The following PCDH9 variants were observed in gnomAD, a reference collection of about 807,000 sequenced individuals.
PCDH9 encodes protocadherin-9.
A neutral mutation model predicts 70.6 loss-of-function variants in PCDH9; 24 were observed. The observed-to-expected ratio is 0.34, with a 90% CI of 0.25 to 0.48. The LOEUF (loss-of-function observed/expected upper bound fraction) is 0.48, where lower values mean the gene tolerates loss of function less well. Ranked by LOEUF, PCDH9 falls within the 20% of genes least tolerant of loss-of-function variation. The probability of loss-of-function intolerance (pLI) is 0.99; values close to 1 mark genes in which losing one functional copy is unlikely to be tolerated. For missense variants in PCDH9, 1,281 were observed against 1,503.6 expected (o/e 0.85, Z 2.45); for synonymous variants, 562 against 558.5 (o/e 1.01, Z -0.09).
chr13:67,046,051 A>G (rs1030245834), intron 2 of PCDH9, among the ~76,000 whole-genome samples: 6 of 152,292 alleles, frequency 3.9e-5, no homozygotes, highest in African/African-American at 1.4e-4. Flanking sequence ...CTAATAGATA[A>G]TCTTCATCTC....
chr13:67,060,713 C>T (rs1047521383), intron 2 of PCDH9, among the ~76,000 whole-genome samples: 1 of 152,018 alleles, frequency 6.6e-6, no homozygotes, highest in African/African-American at 2.4e-5. Flanking sequence ...ACTCTCAGAG[C>T]AATAATCACT....
intron 4 of PCDH9, among the ~76,000 whole-genome samples, chr13:66,419,660 AG>A (rs1459809383): frequency 8.5e-5 from 13 of 152,116 alleles, no homozygotes; most frequent in Non-Finnish European, 1.8e-4. Flanking sequence ...TGCAACCCAT[AG>A]ACCAGGAGAT....
chr13:67,228,257 G>C lies in PCDH9; in HGVS notation c.184C>G (p.Leu62Val), dbSNP rs1177998832. ...GCTTTAGAAACCAGTCTGTAGACAAGGCTGGCGCTGGTCCCTGTGGCAGCA... is the reference window on the plus strand; with the variant it reads ...GCTTTAGAAACCAGTCTGTAGACAACGCTGGCGCTGGTCCCTGTGGCAGCA... Reference protein sequence around the residue: ...INAATGTSASLVYRLVSKAGD... With the variant: ...INAATGTSASVVYRLVSKAGD... Residue 62 changes from leucine (L) to valine (V), a missense_variant, in exon 2 of 5, where the codon CTT (leucine) becomes GTT (valine). Around this residue, in one of 4 missense-constraint regions of PCDH9, gnomAD observed 798 missense variants for 1,003.1 expected, o/e 0.80. Transcript: ENST00000377865. The C allele has an allele frequency of 1.9e-5, 30 of 1,613,534 alleles. No individual in the cohort carries two copies. The highest frequency in any genetic ancestry group is 2.5e-5 in the Non-Finnish European group (30 of 1,179,852).
At chr13:66,690,642 G>A (rs2078470279) in intron 3 of PCDH9, among the ~76,000 whole-genome samples, 1 of 152,190 alleles carries the variant, frequency 6.6e-6, no homozygotes, top group Non-Finnish European at 1.5e-5. Context: ...TTAAACTGAA[G>A]TTTTAAGATC....
intron 2 of PCDH9, among the ~76,000 whole-genome samples, chr13:67,156,410 T>C (rs1386002624): frequency 6.6e-6 from 1 of 151,180 alleles, no homozygotes; most frequent in African/African-American, 2.4e-5. Context: ...GGCGAGAGGA[T>C]GTTGAGGGGA....
intron 3 of PCDH9, among the ~76,000 whole-genome samples, chr13:66,652,599 C>A (rs1206301178): frequency 1.3e-5 from 2 of 151,326 alleles, no homozygotes; most frequent in African/African-American, 2.4e-5. Context: ...AAAAAAAAAT[C>A]CAATGATATT....
intron 2 of PCDH9, among the ~76,000 whole-genome samples, chr13:67,019,006 G>A (rs1346734388): frequency 1.3e-5 from 2 of 151,976 alleles, no homozygotes; most frequent in African/African-American, 4.8e-5. Flanking sequence ...GCAGAACTAA[G>A]ATAATTGCAG....
intron 2 of PCDH9, among the ~76,000 whole-genome samples, chr13:67,169,464 T>C (rs1018379963): frequency 2.6e-5 from 4 of 152,202 alleles, no homozygotes; most frequent in Non-Finnish European, 5.9e-5. Context: ...ATTTAACCCA[T>C]AAAATCATTT....
At chr13:67,036,738 A>C (rs2085016861) in intron 2 of PCDH9, among the ~76,000 whole-genome samples, 1 of 152,218 alleles carries the variant, frequency 6.6e-6, no homozygotes, top group African/African-American at 2.4e-5. Flanking sequence ...TGCAGACAGC[A>C]GGGTTTATAT....
chr13:67,125,859 G>GTA (rs1378250581), intron 2 of PCDH9, among the ~76,000 whole-genome samples: 4 of 151,874 alleles, frequency 2.6e-5, no homozygotes, highest in Non-Finnish European at 4.4e-5. Flanking sequence ...GTGTGTGTGT[G>GTA]TGTATGTATG....
intron 2 of PCDH9, 92 bp from the exon 3 acceptor site, chr13:66,903,697 G>A (rs1385444933): frequency 3.6e-6 from 2 of 554,638 alleles, no homozygotes; most frequent in Non-Finnish European, 6.6e-6. Context: ...CCTAATAAAG[G>A]AATACCACTT....
At chr13:67,168,395 AG>A (rs1357300641) in intron 2 of PCDH9, among the ~76,000 whole-genome samples, 1 of 152,166 alleles carries the variant, frequency 6.6e-6, no homozygotes, top group Non-Finnish European at 1.5e-5. Context: ...GTTCTATACT[AG>A]GAATACTAAC....
chr13:66,492,828 T>C (rs1959054490), intron 4 of PCDH9, among the ~76,000 whole-genome samples: 1 of 152,174 alleles, frequency 6.6e-6, no homozygotes, highest in Non-Finnish European at 1.5e-5. Context: ...TGAATTTCTC[T>C]GGCGAATACA....
chr13:66,438,608 C>T (rs1957920203), intron 4 of PCDH9, among the ~76,000 whole-genome samples: 2 of 152,174 alleles, frequency 1.3e-5, no homozygotes, highest in Non-Finnish European at 2.9e-5. Context: ...AGGTATGTGA[C>T]TGTTACGGCC....
chr13:66,777,100 C>T (rs1442454789), intron 3 of PCDH9, among the ~76,000 whole-genome samples: 183 of 150,520 alleles, frequency 1.2e-3, no homozygotes, highest in African/African-American at 4.1e-3. Context: ...AAACTGGATC[C>T]CTTCCTTACA....
At chr13:66,944,407 A>C (rs1356492882) in intron 2 of PCDH9, among the ~76,000 whole-genome samples, 3 of 152,184 alleles carry the variant, frequency 2.0e-5, no homozygotes. Flanking sequence ...CCTACAAAAA[A>C]ACTGAGTGGT....
chr13:66,664,256 T>C lies in PCDH9; in HGVS notation c.3139-32845A>G, dbSNP rs1400758942. Among the ~76,000 whole-genome samples the C allele has an allele frequency of 1.2e-4, 19 of 152,212 alleles. 1 individual carries two copies. The highest frequency in any genetic ancestry group is 1.2e-3 in the Admixed American group (18 of 15,280). On this transcript the variant is annotated intron_variant, in intron 3 of 4. Coordinates refer to ENST00000377865, the MANE Select transcript of PCDH9 (RefSeq NM_203487.3). ...TTTACAGTCTAAATAATTTTATCTG[T>C]CTTGGATATGCACAAATAAGACATT...
intron 4 of PCDH9, among the ~76,000 whole-genome samples, chr13:66,356,026 TAACTA>T (rs1956376987): frequency 6.6e-6 from 1 of 152,152 alleles, no homozygotes; most frequent in East Asian, 1.9e-4. Flanking sequence ...TTAAATAAGA[TAACTA>T]AAATAAATGA....
intron 3 of PCDH9, among the ~76,000 whole-genome samples, chr13:66,641,608 C>A (rs2077709788): frequency 6.6e-6 from 1 of 152,056 alleles, no homozygotes; most frequent in Non-Finnish European, 1.5e-5. Context: ...AGAGGGGAAA[C>A]AACAGATATG....
Sources: allele counts gnomAD v4.1 joint callset (sites outside exome capture counted in the v4.1 genomes callset), GRCh38; gene constraint gnomAD v4.1.1; regional missense constraint gnomAD v4.1.1; transcripts MANE v1.5; gene names NCBI Gene and HGNC (gene_info 2026-07-23, HGNC 2026-07-21).